The following STAB2 variants were observed in gnomAD, a reference collection of about 807,000 sequenced individuals.
STAB2 encodes stabilin-2.
STAB2 carries 288 observed loss-of-function variants against 338.1 expected under a neutral mutation model. That is an observed-to-expected ratio of 0.85 (90% CI 0.77 to 0.94). The LOEUF (loss-of-function observed/expected upper bound fraction) is 0.94, where lower values mean the gene tolerates loss of function less well. STAB2 is among the 40% of genes least tolerant of loss of function. The pLI is 0.00. For missense variants in STAB2, 3,141 were observed against 3,210.1 expected (o/e 0.98, Z 0.52); for synonymous variants, 1,202 against 1,193.3 (o/e 1.01, Z -0.15).
At chr12:103,668,545 A>T in intron 19 of STAB2, 98 bp from the exon 20 acceptor site, 2 of 1,107,848 alleles carry the variant, frequency 1.8e-6, no homozygotes. Flanking sequence ...GTCAGTGGTG[A>T]AATGGAAGTA....
At chr12:103,755,194 T>G in intron 61 of STAB2, 108 bp from the exon 62 acceptor site, 38 of 1,478,948 alleles carry the variant, frequency 2.6e-5, no homozygotes, top group Non-Finnish European at 3.0e-5. Flanking sequence ...ATAGGCAAAG[T>G]GAGACTTTAT....
intron 3 of STAB2, among the ~76,000 whole-genome samples, chr12:103,612,648 G>A (rs1016085291): frequency 1.3e-4 from 20 of 152,096 alleles, no homozygotes; most frequent in East Asian, 1.9e-4. Context: ...CCTTTAGCTC[G>A]GAGAAGTTTG....
At chr12:103,651,337 G>A (rs1162149277) in intron 11 of STAB2, among the ~76,000 whole-genome samples, 4 of 124,832 alleles carry the variant, frequency 3.2e-5, no homozygotes, top group East Asian at 2.2e-4. Context: ...TTTTTGAGAC[G>A]GAGCCTTGCT....
chr12:103,677,633 C>A (rs1876508779), intron 25 of STAB2, 22 bp downstream of exon 25: 5 of 1,596,806 alleles, frequency 3.1e-6, no homozygotes, highest in Middle Eastern at 1.7e-4. Flanking sequence ...GTCATGAGAG[C>A]AAAGAGAAAG....
At chr12:103,701,003 CT>C (rs1291634160) in intron 34 of STAB2, among the ~76,000 whole-genome samples, 1 of 137,366 alleles carries the variant, frequency 7.3e-6, no homozygotes, top group Non-Finnish European at 1.6e-5. Context: ...CCCCTCCCCC[CT>C]GCCCCCACCC....
Position 103,739,420 on chromosome 12 carries a change from T to C in STAB2, c.5706T>C (p.Cys1902=), listed in dbSNP as rs1357424670. 6.3e-7 allele frequency: 1 copy of C among 1,591,948 alleles called. No individual in the cohort carries two copies. Among genetic ancestry groups the C allele is most frequent in the South Asian group, 1.2e-5 (1 of 86,944 alleles). The change falls in exon 54 of 69, where the codon TGT becomes TGC. Residue 1902 remains cysteine, a synonymous_variant. Transcript: ENST00000388887. ...CTTTTCTTGCATACTAGGGGGAGTG[T>C]GGGAGCTGTGTCAATACTCCCAGCT... ...TFTTFDASGE[C]GSCVNTPSCP...
In STAB2 at chr12:103,707,035, C is replaced by T. The variant is rs1879430520; in HGVS notation, c.4192+48C>T. On this transcript the variant is annotated intron_variant, in intron 38 of 68. Transcript: ENST00000388887. ...AGGATCTTGGGCTGCTGAAACCAAC[C>T]AGGAATATGCAGGGAAAGAGTGATC... 6 of 1,590,854 alleles carry T rather than the reference C, an allele frequency of 3.8e-6. No individual in the cohort carries two copies. The Admixed American group carries it at 8.5e-5, about 23-fold the overall frequency.
At chr12:103,682,551 A>G (rs1877015208) in intron 25 of STAB2, among the ~76,000 whole-genome samples, 1 of 152,218 alleles carries the variant, frequency 6.6e-6, no homozygotes, top group South Asian at 2.1e-4. Context: ...GATACCCCAC[A>G]GCTTGCTTAA....
At chr12:103,741,650 T>C (rs1882593204) in intron 55 of STAB2, among the ~76,000 whole-genome samples, 1 of 152,244 alleles carries the variant, frequency 6.6e-6, no homozygotes, top group South Asian at 2.1e-4. Context: ...GGCTGGGTTT[T>C]CGCCATGTTG....
At chr12:103,754,302 T>C (rs1883923341) in intron 61 of STAB2, among the ~76,000 whole-genome samples, 1 of 152,112 alleles carries the variant, frequency 6.6e-6, no homozygotes, top group Non-Finnish European at 1.5e-5. Context: ...AAATGTAATA[T>C]GGCACACAGT....
chr12:103,702,316 G>T (rs1878960289), intron 34 of STAB2, among the ~76,000 whole-genome samples: 1 of 149,702 alleles, frequency 6.7e-6, no homozygotes, highest in African/African-American at 2.5e-5. Flanking sequence ...TTTTGAGACG[G>T]AGTCTCGCTC....
chr12:103,621,406 T>C (rs1957299852), intron 4 of STAB2, among the ~76,000 whole-genome samples: 1 of 152,176 alleles, frequency 6.6e-6, no homozygotes, highest in African/African-American at 2.4e-5. Context: ...AAGGAAATCC[T>C]TCTGAAAAGG....
chr12:103,614,179 C>T (rs1469116863), intron 3 of STAB2, among the ~76,000 whole-genome samples: 1 of 152,094 alleles, frequency 6.6e-6, no homozygotes, highest in South Asian at 2.1e-4. Flanking sequence ...GCAAATATTA[C>T]TTTGTTGGGT....
At chr12:103,624,889 G>T (rs1203184158) in intron 5 of STAB2, among the ~76,000 whole-genome samples, 1 of 146,214 alleles carries the variant, frequency 6.8e-6, no homozygotes, top group Non-Finnish European at 1.5e-5. Flanking sequence ...AGTGAGCCGA[G>T]ATCGTGCCAC....
intron 15 of STAB2, among the ~76,000 whole-genome samples, chr12:103,657,226 T>TAAAAAAAAA (rs140834161): frequency 8.6e-6 from 1 of 116,410 alleles, no homozygotes; most frequent in Non-Finnish European, 1.8e-5. Flanking sequence ...TAAAGTGAGC[T>TAAAAAAAAA]AAAAAAAAAA....
At chr12:103,726,253 C>A in intron 46 of STAB2, 90 bp downstream of exon 46, 8 of 1,387,172 alleles carry the variant, frequency 5.8e-6, no homozygotes, top group Non-Finnish European at 8.1e-6. Flanking sequence ...CTTTGGGAGG[C>A]CAAGGCGGGC....
At chr12:103,667,676 C>T (rs1288566302) in intron 19 of STAB2, among the ~76,000 whole-genome samples, 1 of 152,182 alleles carries the variant, frequency 6.6e-6, no homozygotes, top group Non-Finnish European at 1.5e-5. Flanking sequence ...AGTGCTCCTT[C>T]CTCAGTGACC....
In STAB2 at chr12:103,637,241, G is replaced by T. The variant is rs1435668669; in HGVS notation, c.709+5G>T. 6.2e-7 allele frequency: 1 copy of T among 1,608,472 alleles called. No individual in the cohort carries two copies. Among genetic ancestry groups the T allele is most frequent in the South Asian group, 1.1e-5 (1 of 89,954 alleles). ...GCGATGGCAAATACTGCGACCGTGA[G>T]TAGAATTTAGATTCTGCTAGTTTAT... On this transcript the variant is annotated splice_donor_5th_base_variant and intron_variant, in intron 7 of 68. Transcript: ENST00000388887.
chr12:103,716,282 C>A (rs1162510399), intron 43 of STAB2, among the ~76,000 whole-genome samples: 3 of 152,188 alleles, frequency 2.0e-5, no homozygotes, highest in Non-Finnish European at 2.9e-5. Flanking sequence ...GGGCACTCTA[C>A]CAGTCACATG....
Sources: gnomAD v4.1 joint callset for allele counts (sites outside exome capture counted in the v4.1 genomes callset) on GRCh38, gnomAD v4.1.1 for gene constraint, MANE v1.5 for transcripts, NCBI Gene and HGNC (gene_info 2026-07-23, HGNC 2026-07-21) for gene names.